SASS6: variants seen among roughly 807,000 people sequenced by gnomAD.
SASS6 encodes SAS-6 centriolar assembly protein.
In SASS6, 59 loss-of-function variants were observed where a neutral mutation model predicts 94.9. That is an observed-to-expected ratio of 0.62 (90% CI 0.50 to 0.77). The LOEUF (loss-of-function observed/expected upper bound fraction) is 0.77. SASS6 is among the 30% of genes least tolerant of loss of function. The pLI, the probability that SASS6 is intolerant of heterozygous loss-of-function variation, is 0.00. For missense variants in SASS6, 698 were observed against 734.1 expected (o/e 0.95, Z 0.57); for synonymous variants, 264 against 270.0 (o/e 0.98, Z 0.22).
intron 14 of SASS6, among the ~76,000 whole-genome samples, chr1:100,092,076 A>C (rs1466007712): frequency 2.0e-5 from 3 of 151,154 alleles, no homozygotes; most frequent in Non-Finnish European, 4.4e-5. Flanking sequence ...ATTTGGGAAA[A>C]GGTTCACCAA....
At chr1:100,111,399 A>T (rs1653320502) in intron 7 of SASS6, among the ~76,000 whole-genome samples, 1 of 152,082 alleles carries the variant, frequency 6.6e-6, no homozygotes, top group Non-Finnish European at 1.5e-5. Flanking sequence ...TAAAGTCTTT[A>T]ATAGCTACAC....
At chr1:100,087,460 A>T (rs76488765) in intron 15 of SASS6, among the ~76,000 whole-genome samples, 5,044 of 152,314 alleles carry the variant, frequency 0.033, 101 homozygotes, top group Non-Finnish European at 0.045. Flanking sequence ...AATTTAATAA[A>T]TAACTATATT....
At chr1:100,093,095 C>CA (rs1651853997) in intron 14 of SASS6, among the ~76,000 whole-genome samples, 1 of 150,072 alleles carries the variant, frequency 6.7e-6, no homozygotes, top group Non-Finnish European at 1.5e-5. Context: ...ATGCCTGGAG[C>CA]AACCACTAAA....
intron 15 of SASS6, 44 bp from the exon 16 acceptor site, chr1:100,085,674 T>G: frequency 8.1e-7 from 1 of 1,231,512 alleles, no homozygotes; most frequent in South Asian, 1.2e-5. Flanking sequence ...AAGTCTTTAT[T>G]AACTTTGAAG....
chr1:100,127,235 GA>G (rs1654680271), intron 1 of SASS6, among the ~76,000 whole-genome samples: 1 of 152,168 alleles, frequency 6.6e-6, no homozygotes, highest in Non-Finnish European at 1.5e-5. Context: ...TGTGCAGGTA[GA>G]AAAAAGTAAA....
In SASS6 at chr1:100,107,522, T is replaced by G. The variant is rs774459953; in HGVS notation, c.1178A>C (p.Asp393Ala). 6.2e-7 allele frequency: 1 copy of G among 1,606,232 alleles called. No homozygotes were observed. Residue 393 changes from aspartate to alanine, a missense_variant, in exon 11 of 17, where the codon GAT (aspartate) becomes GCT (alanine). By Grantham distance (126) the Asp-to-Ala change is moderately radical. Transcript: ENST00000287482. ...ANEIIKKLQGDLKTLMGKLKL... is the reference protein window; with the variant it reads ...ANEIIKKLQGALKTLMGKLKL... ...CAACTTACCCATTAAAGTTTTCAGA[T>G]CCCCTTGTAACTTCTTGATAATTTC...
intron 14 of SASS6, among the ~76,000 whole-genome samples, chr1:100,091,703 G>A (rs1299586156): frequency 6.8e-6 from 1 of 147,704 alleles, no homozygotes; most frequent in Non-Finnish European, 1.5e-5. Context: ...GAATGGGCTT[G>A]ATAGTAGAAT....
intron 7 of SASS6, among the ~76,000 whole-genome samples, chr1:100,111,248 A>G (rs1653309143): frequency 6.6e-6 from 1 of 152,044 alleles, no homozygotes; most frequent in African/African-American, 2.4e-5. Context: ...CCACTCGTTT[A>G]TATACTTATA....
chr1:100,095,644 T>A (rs961442621), intron 14 of SASS6, among the ~76,000 whole-genome samples: 1 of 152,256 alleles, frequency 6.6e-6, no homozygotes, highest in Admixed American at 6.5e-5. Flanking sequence ...TATTTTCAGA[T>A]GACATAACTG....
chr1:100,094,674 C>T (rs1212456943), intron 14 of SASS6, among the ~76,000 whole-genome samples: 1 of 151,938 alleles, frequency 6.6e-6, no homozygotes, highest in East Asian at 1.9e-4. Flanking sequence ...CAAGACTAGC[C>T]TAGCCAACAG....
chr1:100,097,759 G>A (rs993654404), intron 14 of SASS6, among the ~76,000 whole-genome samples: 1 of 152,108 alleles, frequency 6.6e-6, no homozygotes, highest in Non-Finnish European at 1.5e-5. Context: ...AGCCCAGGGA[G>A]GTCGAGGCTG....
chr1:100,132,632 T>A (rs940444831), intron 1 of SASS6, 118 bp downstream of exon 1: 36 of 874,014 alleles, frequency 4.1e-5, no homozygotes, highest in African/African-American at 9.9e-5. Flanking sequence ...ATCCGCTTCC[T>A]AGGGGGGCCG....
chr1:100,103,093 A>C lies in SASS6; in HGVS notation c.1546-10T>G, dbSNP rs1467922752. ...TCAGTCTACCATCAACCTAAAAATA[A>C]AAACATAAAGATGATTAAAGATGAT... On this transcript the variant is annotated splice_polypyrimidine_tract_variant and intron_variant, in intron 13 of 16. Coordinates refer to ENST00000287482, the MANE Select transcript of SASS6 (RefSeq NM_194292.3). 1.3e-6 allele frequency: 2 copies of C among 1,560,658 alleles called. No individual in the cohort carries two copies. The highest frequency in any genetic ancestry group is 1.8e-6 in the Non-Finnish European group (2 of 1,141,462).
At chr1:100,095,765 T>C (rs1652064726) in intron 14 of SASS6, among the ~76,000 whole-genome samples, 1 of 152,192 alleles carries the variant, frequency 6.6e-6, no homozygotes, top group Admixed American at 6.5e-5. Context: ...CATACATTTC[T>C]ACACATCAAT....
At chr1:100,106,200 A>G (rs989387705) in intron 12 of SASS6, among the ~76,000 whole-genome samples, 3 of 152,250 alleles carry the variant, frequency 2.0e-5, no homozygotes, top group Admixed American at 1.3e-4. Flanking sequence ...AAAATTCACA[A>G]TCTTATGTAT....
At chr1:100,109,936 A>C (rs931434914) in intron 8 of SASS6, among the ~76,000 whole-genome samples, 1 of 151,962 alleles carries the variant, frequency 6.6e-6, no homozygotes, top group Non-Finnish European at 1.5e-5. Context: ...AATTCACATA[A>C]TTGTTTGATA....
In SASS6 at chr1:100,122,575, T is replaced by G. The variant is rs867505079; in HGVS notation, c.207-91A>C. On this transcript the variant is annotated intron_variant, in intron 3 of 16. Transcript: ENST00000287482. Reference sequence around the variant, plus strand: ...TTTTTTTTTTTTTTTTTTTTTGAGATAGAGGCTCACTCCATCACCCAGGCT... The same window carrying G: ...TTTTTTTTTTTTTTTTTTTTTGAGAGAGAGGCTCACTCCATCACCCAGGCT... 39 of 448,176 alleles carry G rather than the reference T, an allele frequency of 8.7e-5. No individual in the cohort carries two copies. The Admixed American group carries it at 8.9e-4, about 10-fold the overall frequency. The allele number at this position is 448,176 out of a possible 1,614,324, so 27.8% of individuals were successfully genotyped here.
chr1:100,123,054 T>C (rs906493146), intron 3 of SASS6, among the ~76,000 whole-genome samples, 156 bp downstream of exon 3: 2 of 152,190 alleles, frequency 1.3e-5, no homozygotes, highest in Admixed American at 6.6e-5. Context: ...AATATTTATT[T>C]TCCAAAACAC....
chr1:100,118,765 A>G (rs1385140899), intron 7 of SASS6, among the ~76,000 whole-genome samples: 2 of 152,162 alleles, frequency 1.3e-5, no homozygotes, highest in Non-Finnish European at 2.9e-5. Context: ...TTACAGAGTT[A>G]TAAGTTTATA....
Sources: gnomAD v4.1 joint callset for allele counts (sites outside exome capture counted in the v4.1 genomes callset) on GRCh38, gnomAD v4.1.1 for gene constraint, MANE v1.5 for transcripts, NCBI Gene and HGNC (gene_info 2026-07-23, HGNC 2026-07-21) for gene names.